The following ROBO2 variants were observed in gnomAD, a reference collection of about 807,000 sequenced individuals.
ROBO2 encodes the protein roundabout guidance receptor 2, also known as roundabout homolog 2.
Under a neutral mutation model 160.8 loss-of-function variants are expected in ROBO2, and 53 were observed. The observed-to-expected ratio is 0.33, with a 90% CI of 0.26 to 0.41. ROBO2 has a LOEUF of 0.41. Among genes scored for constraint, ROBO2 ranks in the 10% least tolerant of loss-of-function variants. The pLI is 1.00. For missense variants in ROBO2, 1,577 were observed against 1,722.4 expected, an observed-to-expected ratio of 0.92 and a Z score of 1.49; for synonymous variants, 664 against 611.7, an observed-to-expected ratio of 1.09 and a Z score of -1.26.
intron 2 of ROBO2, among the ~76,000 whole-genome samples, chr3:76,758,214 A>G (rs1560509952): frequency 1.3e-5 from 2 of 151,918 alleles, no homozygotes; most frequent in East Asian, 3.9e-4. Flanking sequence ...AAAAAAAAAT[A>G]CCATCCATTC....
intron 2 of ROBO2, among the ~76,000 whole-genome samples, chr3:76,105,747 A>G (rs1300713219): frequency 6.6e-6 from 1 of 152,002 alleles, no homozygotes; most frequent in Non-Finnish European, 1.5e-5. Context: ...GTAAAATGGT[A>G]TTGCCTATAA....
intron 2 of ROBO2, among the ~76,000 whole-genome samples, chr3:76,612,175 A>G (rs886798354): frequency 5.3e-5 from 8 of 152,310 alleles, no homozygotes; most frequent in African/African-American, 1.9e-4. Flanking sequence ...TGGCCTATCA[A>G]ACGATCTATC....
rs182478424 is a variant in ROBO2 at position 76,375,375 on chromosome 3, A to C, written c.109+437773A>C. ...TGGCAAACTTCGTATCACACTGTGGAGGTCACTAACTACTCAAATAATCTT... is the reference window on the plus strand; with the variant it reads ...TGGCAAACTTCGTATCACACTGTGGCGGTCACTAACTACTCAAATAATCTT... On this transcript the variant is annotated intron_variant, in intron 2 of 26. Transcript: ENST00000487694. 5.6e-3 allele frequency among the ~76,000 whole-genome samples: 856 copies of C among 152,112 alleles called. 6 individuals are homozygous for C. Among genetic ancestry groups the C allele is most frequent in the African/African-American group, 0.02 (811 of 41,522 alleles).
At chr3:76,085,483 A>C (rs1252819122) in intron 2 of ROBO2, among the ~76,000 whole-genome samples, 1 of 152,160 alleles carries the variant, frequency 6.6e-6, no homozygotes, top group African/African-American at 2.4e-5. Flanking sequence ...ATTTTTTTAA[A>C]TAAAAAATAT....
At chr3:76,343,812 C>T (rs1292974730) in intron 2 of ROBO2, among the ~76,000 whole-genome samples, 1 of 151,940 alleles carries the variant, frequency 6.6e-6, no homozygotes, top group Admixed American at 6.6e-5. Context: ...AATGAGACAG[C>T]CCTTGTAGCC....
At chr3:76,907,994 C>T (rs577195864) in intron 2 of ROBO2, among the ~76,000 whole-genome samples, 52 of 152,220 alleles carry the variant, frequency 3.4e-4, no homozygotes, top group Non-Finnish European at 6.0e-4. Flanking sequence ...CGCCCACCAC[C>T]GTGCCTGGCT....
At chr3:76,611,186 A>G (rs563613301) in intron 2 of ROBO2, among the ~76,000 whole-genome samples, 50 of 152,182 alleles carry the variant, frequency 3.3e-4, no homozygotes, top group African/African-American at 1.1e-3. Context: ...CGTGCACTCC[A>G]TCTGGAACTG....
At chr3:76,674,338 A>G (rs2106741279) in intron 2 of ROBO2, among the ~76,000 whole-genome samples, 1 of 152,200 alleles carries the variant, frequency 6.6e-6, no homozygotes. Flanking sequence ...GAACGGCACT[A>G]AACATGGCAG....
chr3:76,985,490 G>T (rs562985012), intron 2 of ROBO2, among the ~76,000 whole-genome samples: 1 of 142,642 alleles, frequency 7.0e-6, no homozygotes, highest in African/African-American at 2.6e-5. Flanking sequence ...GCTGAGGCAG[G>T]AGAATGGTGG....
chr3:77,209,488 C>G (rs1193259243), intron 2 of ROBO2, among the ~76,000 whole-genome samples: 1 of 152,132 alleles, frequency 6.6e-6, no homozygotes, highest in East Asian at 1.9e-4. Flanking sequence ...GGCACACACT[C>G]CACTTTATGA....
At chr3:76,998,966 A>G (rs1263047293) in intron 2 of ROBO2, among the ~76,000 whole-genome samples, 1 of 152,162 alleles carries the variant, frequency 6.6e-6, no homozygotes, top group Non-Finnish European at 1.5e-5. Flanking sequence ...GAAGTATTTA[A>G]TTAACTATAG....
At chr3:76,630,729 G>C (rs981597798) in intron 2 of ROBO2, among the ~76,000 whole-genome samples, 2 of 152,116 alleles carry the variant, frequency 1.3e-5, no homozygotes, top group African/African-American at 4.8e-5. Context: ...ATGACTCCAG[G>C]TGTGTAAGAT....
intron 2 of ROBO2, among the ~76,000 whole-genome samples, chr3:77,352,111 A>T (rs2068430907): frequency 6.7e-6 from 1 of 149,444 alleles, no homozygotes; most frequent in South Asian, 2.1e-4. Context: ...AATAAAATTA[A>T]AAAAAAAAAG....
At chr3:76,777,559 T>C (rs973240299) in intron 2 of ROBO2, among the ~76,000 whole-genome samples, 5 of 151,176 alleles carry the variant, frequency 3.3e-5, no homozygotes, top group South Asian at 2.1e-4. Flanking sequence ...TTCTTTCTTT[T>C]TTTTTTTAAC....
intron 2 of ROBO2, among the ~76,000 whole-genome samples, chr3:76,926,312 G>C (rs2076987055): frequency 6.6e-6 from 1 of 152,150 alleles, no homozygotes; most frequent in Non-Finnish European, 1.5e-5. Context: ...CATTTTAATG[G>C]TTTACAAAGA....
chr3:77,198,858 G>T (rs1447811313), intron 2 of ROBO2, among the ~76,000 whole-genome samples: 3 of 151,796 alleles, frequency 2.0e-5, no homozygotes, highest in African/African-American at 7.3e-5. Context: ...AGCTGAGATT[G>T]CACCATTGCA....
At chr3:76,825,950 C>T (rs1221574941) in intron 2 of ROBO2, among the ~76,000 whole-genome samples, 3 of 151,276 alleles carry the variant, frequency 2.0e-5, no homozygotes, top group Admixed American at 2.0e-4. Flanking sequence ...GAAAAAGAAG[C>T]AACTCAACAC....
intron 6 of ROBO2, among the ~76,000 whole-genome samples, chr3:77,525,559 T>G (rs978889447): frequency 2.6e-5 from 4 of 151,244 alleles, no homozygotes; most frequent in African/African-American, 9.7e-5. Flanking sequence ...ATTAATTTAT[T>G]ATTAATAAAA....
At chr3:76,173,568 T>G (rs895934659) in intron 2 of ROBO2, among the ~76,000 whole-genome samples, 3 of 151,914 alleles carry the variant, frequency 2.0e-5, no homozygotes, top group African/African-American at 7.3e-5. Context: ...TGTGTCCATG[T>G]GTTCTTATTG....
Sources: gnomAD v4.1 joint callset for allele counts (sites outside exome capture counted in the v4.1 genomes callset) on GRCh38, gnomAD v4.1.1 for gene constraint, MANE v1.5 for transcripts, NCBI Gene and HGNC (gene_info 2026-07-23, HGNC 2026-07-21) for gene names.